SNTG1: variants seen among roughly 807,000 people sequenced by gnomAD.
The protein encoded by SNTG1 is gamma-1-syntrophin.
Under a neutral mutation model 74.7 loss-of-function variants are expected in SNTG1, and 39 were observed. The observed-to-expected ratio is 0.52, with a 90% CI of 0.40 to 0.68. The LOEUF (loss-of-function observed/expected upper bound fraction) is 0.68, where lower values mean the gene tolerates loss of function less well. Among genes scored for constraint, SNTG1 ranks in the 30% least tolerant of loss-of-function variants. The probability of loss-of-function intolerance (pLI) is 0.00; values close to 1 mark genes in which losing one functional copy is unlikely to be tolerated. For synonymous variants in SNTG1, 254 were observed against 217.1 expected, an observed-to-expected ratio of 1.17 and a Z score of -1.49; for missense variants, 685 against 609.5, an observed-to-expected ratio of 1.12 and a Z score of -1.30.
At chr8:50,390,694 A>AC (rs2092645092) in intron 2 of SNTG1, among the ~76,000 whole-genome samples, 1 of 152,164 alleles carries the variant, frequency 6.6e-6, no homozygotes. Flanking sequence ...GATTCTTCCT[A>AC]CCCATGAACA....
intron 2 of SNTG1, among the ~76,000 whole-genome samples, chr8:50,223,505 C>G (rs756074687): frequency 6.6e-6 from 1 of 151,672 alleles, no homozygotes; most frequent in Non-Finnish European, 1.5e-5. Flanking sequence ...ACTATTTATC[C>G]TTATTGAGTT....
intron 1 of SNTG1, among the ~76,000 whole-genome samples, chr8:49,966,891 G>T (rs1367047298): frequency 2.6e-5 from 4 of 151,864 alleles, no homozygotes; most frequent in Non-Finnish European, 5.9e-5. Context: ...ATAAATAATT[G>T]TTCGATGGTT....
At chr8:50,625,069 C>T (rs1353547092) in intron 13 of SNTG1, among the ~76,000 whole-genome samples, 2 of 152,178 alleles carry the variant, frequency 1.3e-5, no homozygotes, top group Non-Finnish European at 1.5e-5. Flanking sequence ...AATATCACTA[C>T]AGATTAATGA....
intron 2 of SNTG1, among the ~76,000 whole-genome samples, chr8:50,326,931 G>T (rs954419086): frequency 6.6e-6 from 1 of 151,092 alleles, no homozygotes; most frequent in South Asian, 2.1e-4. Flanking sequence ...AATATCTTTT[G>T]ATCTTTCTTT....
intron 8 of SNTG1, among the ~76,000 whole-genome samples, chr8:50,466,357 T>C (rs147693135): frequency 6.6e-6 from 1 of 151,972 alleles, no homozygotes; most frequent in Non-Finnish European, 1.5e-5. Context: ...TTGTTTATAT[T>C]TATGTGGAGC....
intron 12 of SNTG1, among the ~76,000 whole-genome samples, chr8:50,566,607 C>T (rs538258692): frequency 6.6e-6 from 1 of 152,072 alleles, no homozygotes; most frequent in East Asian, 1.9e-4. Flanking sequence ...GCATTACAAG[C>T]AACCAGTATT....
At chr8:50,639,218 G>T (rs577203383) in intron 13 of SNTG1, among the ~76,000 whole-genome samples, 3 of 43,324 alleles carry the variant, frequency 6.9e-5, no homozygotes, top group East Asian at 1.0e-3. Context: ...ATGCTTTTCA[G>T]TTAAAAAAAA....
intron 2 of SNTG1, among the ~76,000 whole-genome samples, chr8:50,284,576 C>T (rs945018525): frequency 2.6e-5 from 4 of 152,054 alleles, no homozygotes; most frequent in Non-Finnish European, 5.9e-5. Context: ...TTCCTGGAAC[C>T]ACAAAATGCT....
intron 2 of SNTG1, among the ~76,000 whole-genome samples, chr8:50,201,164 G>C (rs1450806911): frequency 1.3e-5 from 2 of 152,116 alleles, no homozygotes; most frequent in Non-Finnish European, 2.9e-5. Flanking sequence ...ACATCTTATA[G>C]CCATGTGCCC....
intron 18 of SNTG1, among the ~76,000 whole-genome samples, chr8:50,759,367 G>A (rs1026420854): frequency 6.6e-6 from 1 of 151,886 alleles, no homozygotes; most frequent in Non-Finnish European, 1.5e-5. Context: ...TTTTGTCTTA[G>A]TCATGAAGTC....
At chr8:50,488,117 C>T (rs1018877351) in intron 8 of SNTG1, among the ~76,000 whole-genome samples, 1 of 152,094 alleles carries the variant, frequency 6.6e-6, no homozygotes, top group African/African-American at 2.4e-5. Flanking sequence ...CTTCTCAGAA[C>T]TAGGGCTGCG....
At chr8:50,049,298 A>G (rs901112642) in intron 1 of SNTG1, among the ~76,000 whole-genome samples, 6 of 152,168 alleles carry the variant, frequency 3.9e-5, no homozygotes, top group Non-Finnish European at 5.9e-5. Context: ...AGAAACAGAT[A>G]GACAACTTGT....
At chr8:50,699,863 C>CATTG (rs10663917) in intron 15 of SNTG1, among the ~76,000 whole-genome samples, 39,448 of 151,866 alleles carry the variant, frequency 0.26, 5,709 homozygotes, top group African/African-American at 0.39. Context: ...AAATTTCCAA[C>CATTG]ATTAAGTACT....
At chr8:50,424,442 T>A (rs1185582485) in intron 4 of SNTG1, among the ~76,000 whole-genome samples, 87 of 152,178 alleles carry the variant, frequency 5.7e-4, no homozygotes, top group Non-Finnish European at 4.4e-5. Context: ...CCACTATCAT[T>A]TTTATACCAT....
At chr8:50,741,879 AG>A (rs1563799380) in intron 17 of SNTG1, among the ~76,000 whole-genome samples, 3 of 152,058 alleles carry the variant, frequency 2.0e-5, no homozygotes, top group Non-Finnish European at 4.4e-5. Flanking sequence ...AGGGATGAGT[AG>A]GTGGACCACA....
At chr8:50,447,223 A>C (rs2093415658) in intron 5 of SNTG1, among the ~76,000 whole-genome samples, 1 of 152,156 alleles carries the variant, frequency 6.6e-6, no homozygotes, top group Non-Finnish European at 1.5e-5. Context: ...AGGTTTCCCA[A>C]TGTCTTGCCA....
chr8:50,674,448 A>G (rs886950814), intron 15 of SNTG1, among the ~76,000 whole-genome samples: 1 of 151,560 alleles, frequency 6.6e-6, no homozygotes, highest in Admixed American at 6.6e-5. Flanking sequence ...TAGATTTTCT[A>G]GTTTATTTGT....
At chr8:50,680,280 G>T (rs1264129219) in intron 15 of SNTG1, among the ~76,000 whole-genome samples, 1 of 152,120 alleles carries the variant, frequency 6.6e-6, no homozygotes, top group Non-Finnish European at 1.5e-5. Flanking sequence ...CAAACAGAAT[G>T]AATAAGATAG....
chr8:50,632,285 TTTTATTTATTTATTTATTTA>T (rs745874673), intron 13 of SNTG1, among the ~76,000 whole-genome samples: 1 of 134,362 alleles, frequency 7.4e-6, no homozygotes. Context: ...GTCTTTTTAA[TTTTATTTATTTATTTATTTA>T]TTTATTTATT....
Sources: allele counts gnomAD v4.1 joint callset (sites outside exome capture counted in the v4.1 genomes callset), GRCh38; gene constraint gnomAD v4.1.1; transcripts MANE v1.5; gene names NCBI Gene and HGNC (gene_info 2026-07-23, HGNC 2026-07-21).